The following DPY19L3 variants were observed in gnomAD, a reference collection of about 807,000 sequenced individuals.
DPY19L3 encodes dpy-19 like C-mannosyltransferase 3, also known as protein C-mannosyl-transferase DPY19L3.
In DPY19L3, 51 loss-of-function variants were observed where a neutral mutation model predicts 92.3. The ratio of observed to expected loss-of-function variants is 0.55; its 90% CI spans 0.44 to 0.70. The LOEUF (loss-of-function observed/expected upper bound fraction) is 0.70, where lower values mean the gene tolerates loss of function less well. DPY19L3 is among the 30% of genes least tolerant of loss of function. DPY19L3 has a pLI of 0.00. For synonymous variants in DPY19L3, 309 were observed against 315.2 expected, an observed-to-expected ratio of 0.98 and a Z score of 0.21; for missense variants, 706 against 855.9, an observed-to-expected ratio of 0.82 and a Z score of 2.18.
At chr19:32,473,180 TATATA>T (rs1970406400) in intron 16 of DPY19L3, among the ~76,000 whole-genome samples, 1 of 152,234 alleles carries the variant, frequency 6.6e-6, no homozygotes, top group South Asian at 2.1e-4. Context: ...ACATTTAAAT[TATATA>T]ATGTAAATCC....
intron 3 of DPY19L3, among the ~76,000 whole-genome samples, chr19:32,414,010 C>T (rs1031348038): frequency 7.2e-5 from 11 of 152,158 alleles, no homozygotes; most frequent in East Asian, 1.9e-4. Context: ...AGGTGTGAGC[C>T]GCTATGCCCA....
intron 8 of DPY19L3, among the ~76,000 whole-genome samples, chr19:32,440,246 G>A (rs1012584250): frequency 3.3e-5 from 5 of 152,122 alleles, no homozygotes; most frequent in African/African-American, 1.2e-4. Flanking sequence ...TTTTAAAAAA[G>A]AAATCAATAG....
At chr19:32,442,373 G>A (rs1969351464) in intron 8 of DPY19L3, among the ~76,000 whole-genome samples, 1 of 152,196 alleles carries the variant, frequency 6.6e-6, no homozygotes, top group African/African-American at 2.4e-5. Context: ...TTAATCTATT[G>A]TGGAAACAGA....
chr19:32,465,853 C>T (rs1046669281), intron 15 of DPY19L3, among the ~76,000 whole-genome samples: 23 of 152,192 alleles, frequency 1.5e-4, no homozygotes, highest in African/African-American at 5.3e-4. Context: ...GCCTCCCCAC[C>T]TCTGGGAATT....
intron 8 of DPY19L3, among the ~76,000 whole-genome samples, chr19:32,449,805 A>C (rs564977780): frequency 6.6e-6 from 1 of 152,300 alleles, no homozygotes; most frequent in African/African-American, 2.4e-5. Context: ...GCTAAAACCA[A>C]AACTTTTAGA....
chr19:32,439,350 A>G, intron 7 of DPY19L3, 115 bp downstream of exon 7: 1 of 1,109,222 alleles, frequency 9.0e-7, no homozygotes, highest in Non-Finnish European at 1.2e-6. Flanking sequence ...TTCCATGACC[A>G]ATTTTTAAAC....
intron 12 of DPY19L3, among the ~76,000 whole-genome samples, chr19:32,460,657 T>G (rs909800122): frequency 6.6e-6 from 1 of 152,156 alleles, no homozygotes; most frequent in Non-Finnish European, 1.5e-5. Flanking sequence ...CACTAGGCAA[T>G]AGGAATTTTT....
At chr19:32,447,746 TAGATA>T (rs1969546945) in intron 8 of DPY19L3, among the ~76,000 whole-genome samples, 1 of 148,092 alleles carries the variant, frequency 6.8e-6, no homozygotes, top group South Asian at 2.2e-4. Flanking sequence ...GATAGATAGA[TAGATA>T]GATAGATAGA....
intron 12 of DPY19L3, among the ~76,000 whole-genome samples, chr19:32,459,196 A>G (rs1372462132): frequency 6.6e-6 from 1 of 152,260 alleles, no homozygotes; most frequent in Non-Finnish European, 1.5e-5. Context: ...AATCAGGAGT[A>G]TGAAGGCTTT....
intron 9 of DPY19L3, among the ~76,000 whole-genome samples, chr19:32,453,731 T>C (rs906171919): frequency 1.3e-5 from 2 of 152,134 alleles, no homozygotes; most frequent in Admixed American, 6.5e-5. Flanking sequence ...ATACTAGTTA[T>C]TTTTAGGTGA....
At chr19:32,461,285 C>T (rs542569287) in intron 12 of DPY19L3, among the ~76,000 whole-genome samples, 1 of 152,202 alleles carries the variant, frequency 6.6e-6, no homozygotes, top group South Asian at 2.1e-4. Context: ...GCCACTGCAC[C>T]CTGCCAGATA....
intron 10 of DPY19L3, 32 bp downstream of exon 10, chr19:32,455,072 T>A (rs760801882): frequency 7.5e-7 from 1 of 1,330,912 alleles, no homozygotes; most frequent in Non-Finnish European, 1.0e-6. Flanking sequence ...GTTTAATGTA[T>A]TTTTAATTAA....
Position 32,485,538 on chromosome 19 carries a change from T to C in DPY19L3, c.*3298T>C, listed in dbSNP as rs1970776409. 1 of 152,202 alleles carries C rather than the reference T, an allele frequency of 6.6e-6. No homozygotes were observed. Among genetic ancestry groups the C allele is most frequent in the Non-Finnish European group, 1.5e-5 (1 of 68,036 alleles). 9.4% of individuals were successfully genotyped at this position (152,202 alleles called of 1,614,324 possible). A position where few individuals can be genotyped will look rare whatever the true frequency, so the allele number is the denominator to read the frequency against. On this transcript the variant is annotated 3_prime_UTR_variant, in exon 19 of 19. Transcript: ENST00000392250. ...AATGTCTATTCTGATTCCATATTGA[T>C]TTTGTCTAAGATGTAAAAATTTGAG...
intron 3 of DPY19L3, among the ~76,000 whole-genome samples, chr19:32,418,698 C>T (rs1968459339): frequency 6.6e-6 from 1 of 152,016 alleles, no homozygotes; most frequent in East Asian, 1.9e-4. Flanking sequence ...CTTTCCTTTC[C>T]TGTTTTGGGG....
rs996169830 is a variant in DPY19L3 at position 32,467,484 on chromosome 19, C to G, written c.1615-1247C>G. 1.2e-5 allele frequency: 12 copies of G among 987,400 alleles called. No individual in the cohort carries two copies. In the Admixed American group the frequency reaches 6.1e-4, roughly 51 times the overall value. 61.2% of individuals were successfully genotyped at this position (987,400 alleles called of 1,614,324 possible). ...TCTTCCAAAAACTAGAACCAGAAGT[C>G]CTGACACCTGATTTCCCATCACTAG... On this transcript the variant is annotated intron_variant, in intron 15 of 18. Coordinates refer to ENST00000392250, the MANE Select transcript of DPY19L3 (RefSeq NM_001172774.2).
chr19:32,453,469 A>G (rs1969771556), intron 9 of DPY19L3, among the ~76,000 whole-genome samples, 193 bp downstream of exon 9: 1 of 152,172 alleles, frequency 6.6e-6, no homozygotes, highest in Non-Finnish European at 1.5e-5. Flanking sequence ...TCATCCTTTT[A>G]TTTTGACAGT....
chr19:32,407,270 C>CCG (rs990860231), intron 1 of DPY19L3, among the ~76,000 whole-genome samples: 1 of 126,008 alleles, frequency 7.9e-6, no homozygotes, highest in African/African-American at 3.0e-5. Context: ...CTGCTCCCCC[C>CCG]CACCCATTAC....
intron 10 of DPY19L3, among the ~76,000 whole-genome samples, chr19:32,457,095 A>G (rs775754623): frequency 6.6e-6 from 1 of 152,176 alleles, no homozygotes; most frequent in Non-Finnish European, 1.5e-5. Flanking sequence ...CTACACATTC[A>G]GTGACCTGTT....
In DPY19L3 at chr19:32,485,445, C is replaced by G. The variant is rs910105048; in HGVS notation, c.*3205C>G. The G allele has an allele frequency of 2.6e-5, 4 of 151,912 alleles. No homozygotes were observed. Among genetic ancestry groups the G allele is most frequent in the Admixed American group, 1.3e-4 (2 of 15,248 alleles). 9.4% of individuals were successfully genotyped at this position (151,912 alleles called of 1,614,324 possible). The stretch of plus-strand genomic sequence containing the variant: ...GGTGTGTGGTTTTGGTTGGGTGCTG[C>G]CAGGTGGCAAAGGCATATGTAAATA... On this transcript the variant is annotated 3_prime_UTR_variant, in exon 19 of 19. Transcript: ENST00000392250.
Sources: gnomAD v4.1 joint callset for allele counts (sites outside exome capture counted in the v4.1 genomes callset) on GRCh38, gnomAD v4.1.1 for gene constraint, MANE v1.5 for transcripts, NCBI Gene and HGNC (gene_info 2026-07-23, HGNC 2026-07-21) for gene names.